The following SH3D19 variants were observed in gnomAD, a reference collection of about 807,000 sequenced individuals.
SH3D19 encodes SH3 domain containing 19.
Under a neutral mutation model 112.1 loss-of-function variants are expected in SH3D19, and 58 were observed. That is an observed-to-expected ratio of 0.52 (90% CI 0.42 to 0.64). The LOEUF (loss-of-function observed/expected upper bound fraction) is 0.64, where lower values mean the gene tolerates loss of function less well. Ranked by LOEUF, SH3D19 falls within the 30% of genes least tolerant of loss-of-function variation. The pLI, the probability that SH3D19 is intolerant of heterozygous loss-of-function variation, is 0.00. For missense variants in SH3D19, 1,090 were observed against 1,263.4 expected (o/e 0.86, Z 2.08); for synonymous variants, 391 against 448.5 (o/e 0.87, Z 1.62).
At chr4:151,194,967 C>T (rs1051914862) in intron 2 of SH3D19, among the ~76,000 whole-genome samples, 15 of 150,774 alleles carry the variant, frequency 9.9e-5, no homozygotes, top group Non-Finnish European at 1.8e-4. Context: ...CCCAGCTACC[C>T]GGTAGGCTGA....
intron 17 of SH3D19, among the ~76,000 whole-genome samples, chr4:151,128,973 G>A (rs1208266809): frequency 6.6e-6 from 1 of 152,050 alleles, no homozygotes; most frequent in African/African-American, 2.4e-5. Context: ...CTATTATATT[G>A]TTATATTAAA....
intron 3 of SH3D19, among the ~76,000 whole-genome samples, chr4:151,184,654 C>A (rs1761465958): frequency 6.6e-6 from 1 of 152,192 alleles, no homozygotes; most frequent in Admixed American, 6.5e-5. Flanking sequence ...GATCCCTCCA[C>A]TGATTGCTTC....
In SH3D19 at chr4:151,238,565, A is replaced by G. The variant is rs1770311652; in HGVS notation, c.113-12479T>C. Among the ~76,000 whole-genome samples the G allele has an allele frequency of 2.0e-5, 3 of 152,338 alleles. No homozygotes were observed. The South Asian group carries it at 6.2e-4, about 32-fold the overall frequency. On this transcript the variant is annotated intron_variant, in intron 1 of 19. Transcript: ENST00000604030. ...TGACCCTGCAAAATGAACAAATATC[A>G]GAAACTGCTGTAACCAAAAGACTCC...
At position 151,152,516 on chromosome 4, in the gene SH3D19, C is replaced by CTTTTT. The variant is rs1177292502; in HGVS notation, c.1756-2960_1756-2956dup. Among the ~76,000 whole-genome samples, 21 of 127,252 alleles carry CTTTTT rather than the reference C, an allele frequency of 1.7e-4. 1 individual carries two copies. Among genetic ancestry groups the CTTTTT allele is most frequent in the East Asian group, 4.5e-4 (2 of 4,402 alleles). The allele number at this position is 127,252 out of a possible 152,430, so 83.5% of individuals were successfully genotyped here. The stretch of plus-strand genomic sequence containing the variant: ...CAGTTTTTTGCTATTCTCTCTCTCT[C>CTTTTT]TTTTTTTTTTTTTTTTTTTCTGAGA... On this transcript the variant is annotated intron_variant, in intron 9 of 19. Transcript: ENST00000604030.
intron 3 of SH3D19, among the ~76,000 whole-genome samples, chr4:151,180,418 T>TC (rs1444352804): frequency 6.7e-6 from 1 of 149,660 alleles, no homozygotes; most frequent in Non-Finnish European, 1.5e-5. Flanking sequence ...TTTCTTTTTT[T>TC]TTTTTTTTGA....
At chr4:151,292,938 G>A (rs1430355727) in intron 1 of SH3D19, among the ~76,000 whole-genome samples, 1 of 151,802 alleles carries the variant, frequency 6.6e-6, no homozygotes, top group African/African-American at 2.4e-5. Flanking sequence ...TGACCAACAT[G>A]GTGAAACCCT....
At chr4:151,319,555 G>A (rs1691875519) in intron 1 of SH3D19, among the ~76,000 whole-genome samples, 1 of 152,182 alleles carries the variant, frequency 6.6e-6, no homozygotes, top group African/African-American at 2.4e-5. Flanking sequence ...CACAGACTCT[G>A]AGAGGATATG....
intron 1 of SH3D19, among the ~76,000 whole-genome samples, chr4:151,313,422 T>TTTAG (rs1451164510): frequency 1.9e-4 from 29 of 151,872 alleles, no homozygotes; most frequent in Non-Finnish European, 2.9e-5. Flanking sequence ...TATTTATTTA[T>TTTAG]TTATTTATTT....
At chr4:151,308,605 C>A (rs1183518456) in intron 1 of SH3D19, among the ~76,000 whole-genome samples, 1 of 152,204 alleles carries the variant, frequency 6.6e-6, no homozygotes, top group Non-Finnish European at 1.5e-5. Context: ...AAAGGCCATC[C>A]TGTGCAGAAT....
At chr4:151,184,812 C>T (rs750858832) in intron 3 of SH3D19, among the ~76,000 whole-genome samples, 1 of 152,152 alleles carries the variant, frequency 6.6e-6, no homozygotes, top group Non-Finnish European at 1.5e-5. Context: ...CCCTAGCCGC[C>T]CCAACTTCCA....
chr4:151,216,430 T>C (rs1767115139), intron 2 of SH3D19, among the ~76,000 whole-genome samples: 3 of 152,182 alleles, frequency 2.0e-5, no homozygotes, highest in Admixed American at 2.0e-4. Flanking sequence ...CAAAGATGTA[T>C]ACAAACTTCA....
At chr4:151,305,936 A>G (rs1728867392) in intron 1 of SH3D19, among the ~76,000 whole-genome samples, 1 of 152,260 alleles carries the variant, frequency 6.6e-6, no homozygotes, top group Non-Finnish European at 1.5e-5. Flanking sequence ...ACAATAGACT[A>G]CTACTTGGCA....
chr4:151,159,330 A>G lies in SH3D19; in HGVS notation c.1665T>C (p.Ser555=). 6.3e-7 allele frequency: 1 copy of G among 1,583,458 alleles called. No individual in the cohort carries two copies. Among genetic ancestry groups the G allele is most frequent in the Admixed American group, 1.9e-5 (1 of 53,716 alleles). ...PGKCLHEDPQ[S]PPPLPAEKPI... The stretch of plus-strand genomic sequence containing the variant: ...GTTTTTCAGCAGGGAGAGGAGGTGG[A>G]CTTTGTGGATCCTCATGTAAACCTG... The change falls in exon 9 of 20, where the codon AGT becomes AGC. Residue 555 remains serine (S), a synonymous_variant. Transcript: ENST00000604030.
chr4:151,130,833 C>G (rs1750517411), intron 17 of SH3D19, among the ~76,000 whole-genome samples: 1 of 151,762 alleles, frequency 6.6e-6, no homozygotes, highest in Non-Finnish European at 1.5e-5. Flanking sequence ...CCAGCTTACT[C>G]AGGAGGTTGA....
At chr4:151,297,568 A>T (rs182836760) in intron 1 of SH3D19, among the ~76,000 whole-genome samples, 1 of 152,322 alleles carries the variant, frequency 6.6e-6, no homozygotes, top group Non-Finnish European at 1.5e-5. Flanking sequence ...TTTGGATGTA[A>T]TTTAATGAAT....
chr4:151,154,543 G>C (rs1755713926), intron 9 of SH3D19, among the ~76,000 whole-genome samples: 1 of 151,484 alleles, frequency 6.6e-6, no homozygotes, highest in Non-Finnish European at 1.5e-5. Flanking sequence ...GCCTCCCAAA[G>C]TGCTGGATTA....
intron 1 of SH3D19, among the ~76,000 whole-genome samples, chr4:151,288,635 C>T (rs1318783151): frequency 6.6e-6 from 1 of 151,660 alleles, no homozygotes; most frequent in African/African-American, 2.4e-5. Context: ...CGCCACTGCA[C>T]TCCAGCCTGG....
intron 17 of SH3D19, among the ~76,000 whole-genome samples, chr4:151,132,066 C>T (rs1391101927): frequency 2.0e-5 from 3 of 152,116 alleles, no homozygotes; most frequent in Non-Finnish European, 4.4e-5. Flanking sequence ...TCAGGTAATC[C>T]ACCTGCCTTG....
intron 7 of SH3D19, chr4:151,170,444 A>G (rs955282960): frequency 5.3e-5 from 8 of 152,136 alleles, no homozygotes; most frequent in African/African-American, 1.9e-4. Context: ...AATTTTCCAT[A>G]AAGTAACTAG....
Sources: gnomAD v4.1 joint callset for allele counts (sites outside exome capture counted in the v4.1 genomes callset) on GRCh38, gnomAD v4.1.1 for gene constraint, MANE v1.5 for transcripts, NCBI Gene and HGNC (gene_info 2026-07-23, HGNC 2026-07-21) for gene names.